ZMYND8: variants seen among roughly 807,000 people sequenced by gnomAD.
ZMYND8 encodes the protein zinc finger MYND-type containing 8, also known as MYND-type zinc finger-containing chromatin reader ZMYND8.
A neutral mutation model predicts 140.8 loss-of-function variants in ZMYND8; 37 were observed. That is an observed-to-expected ratio of 0.26 (90% confidence interval 0.20 to 0.35). The LOEUF (loss-of-function observed/expected upper bound fraction) is 0.35, where lower values mean the gene tolerates loss of function less well. Among genes scored for constraint, ZMYND8 ranks in the 10% least tolerant of loss-of-function variants. The pLI, the probability that ZMYND8 is intolerant of heterozygous loss-of-function variation, is 1.00. For synonymous variants in ZMYND8, 592 were observed against 597.1 expected (o/e 0.99, Z 0.12); for missense variants, 1,068 against 1,570.0 (o/e 0.68, Z 5.40).
chr20:47,348,720 TTC>T (rs150318845), intron 1 of ZMYND8: 13 of 150,734 alleles, frequency 8.6e-5, no homozygotes, highest in East Asian at 1.9e-4. Context: ...ACCCAGAACA[TTC>T]TCTCTCTCTC....
chr20:47,214,711 T>G (rs913257312), intron 21 of ZMYND8, among the ~76,000 whole-genome samples: 2 of 152,268 alleles, frequency 1.3e-5, no homozygotes, highest in South Asian at 2.1e-4. Context: ...GTCAGGCTGG[T>G]CTTGAACTCC....
chr20:47,220,413 A>C, intron 20 of ZMYND8, 89 bp from the exon 21 acceptor site: 1 of 1,052,346 alleles, frequency 9.5e-7, no homozygotes, highest in South Asian at 1.4e-5. Context: ...GGGGGTGCTC[A>C]TCGCTGCCCC....
chr20:47,325,198 C>A (rs1488743420), intron 2 of ZMYND8, among the ~76,000 whole-genome samples: 21 of 152,324 alleles, frequency 1.4e-4, no homozygotes, highest in African/African-American at 3.8e-4. Context: ...AGCCACCACA[C>A]CTGGCCCATA....
At chr20:47,318,522 G>A in intron 2 of ZMYND8, 1 of 357,190 alleles carries the variant, frequency 2.8e-6, no homozygotes, top group Non-Finnish European at 5.5e-6. Context: ...AAGAAATCAG[G>A]AGCAAAGGTT....
chr20:47,309,959 TC>T, intron 3 of ZMYND8, 96 bp downstream of exon 3: 2 of 1,538,504 alleles, frequency 1.3e-6, no homozygotes, highest in South Asian at 2.4e-5. Flanking sequence ...GCTAACTAAA[TC>T]CAAGAAAGCC....
intron 2 of ZMYND8, among the ~76,000 whole-genome samples, chr20:47,322,438 C>CTTTT (rs1166725847): frequency 4.1e-5 from 5 of 120,766 alleles, no homozygotes; most frequent in African/African-American, 3.1e-5. Context: ...GATGGCATTT[C>CTTTT]TTTTTTTTTT....
intron 17 of ZMYND8, among the ~76,000 whole-genome samples, chr20:47,228,400 G>A (rs1486776508): frequency 1.3e-5 from 2 of 152,118 alleles, no homozygotes; most frequent in Admixed American, 1.3e-4. Context: ...CTAATTGTGG[G>A]GGACTGCATA....
At chr20:47,303,088 C>G (rs2078194182) in intron 3 of ZMYND8, among the ~76,000 whole-genome samples, 1 of 152,112 alleles carries the variant, frequency 6.6e-6, no homozygotes, top group South Asian at 2.1e-4. Flanking sequence ...AAAACTGTCC[C>G]TAGCTGAGAA....
chr20:47,335,471 C>A (rs1359186279), intron 2 of ZMYND8, among the ~76,000 whole-genome samples: 1 of 151,910 alleles, frequency 6.6e-6, no homozygotes, highest in Admixed American at 6.6e-5. Context: ...CACCTCAAGT[C>A]ATCGGTAAAG....
intron 2 of ZMYND8, chr20:47,319,316 T>G: frequency 6.7e-6 from 2 of 299,704 alleles, no homozygotes; most frequent in Middle Eastern, 1.5e-3. Context: ...TTCGTGGGAT[T>G]GTGAATAAAT....
chr20:47,286,176 G>A (rs115742783), intron 8 of ZMYND8, among the ~76,000 whole-genome samples: 17,824 of 147,934 alleles, frequency 0.12, 1,187 homozygotes, highest in South Asian at 0.28. Context: ...TATAAGGATA[G>A]ATTTTTTTTT....
intron 2 of ZMYND8, among the ~76,000 whole-genome samples, chr20:47,334,592 T>C (rs976216914): frequency 2.9e-5 from 4 of 140,128 alleles, no homozygotes; most frequent in African/African-American, 9.1e-5. Flanking sequence ...TGCACAACTC[T>C]GTGAAAAAAA....
chr20:47,215,662 A>G (rs1221639908), intron 21 of ZMYND8, among the ~76,000 whole-genome samples: 1 of 152,128 alleles, frequency 6.6e-6, no homozygotes, highest in Non-Finnish European at 1.5e-5. Flanking sequence ...GGTGGGCCCT[A>G]GCTCTAGAAT....
At chr20:47,352,318 A>C (rs2082854568) in intron 1 of ZMYND8, among the ~76,000 whole-genome samples, 2 of 152,218 alleles carry the variant, frequency 1.3e-5, no homozygotes, top group African/African-American at 4.8e-5. Flanking sequence ...TCTACGGCAA[A>C]GGTAAAATAA....
At chr20:47,322,249 G>A (rs2080021998) in intron 2 of ZMYND8, among the ~76,000 whole-genome samples, 1 of 152,072 alleles carries the variant, frequency 6.6e-6, no homozygotes, top group South Asian at 2.1e-4. Context: ...TTGAGAAACT[G>A]ATTACAGATG....
chr20:47,229,955 A>C (rs973939668), intron 16 of ZMYND8, 149 bp from the exon 17 acceptor site: 1 of 647,616 alleles, frequency 1.5e-6, no homozygotes, highest in Non-Finnish European at 2.6e-6. Flanking sequence ...TCTGGTTGCC[A>C]TGACAGGTGC....
Position 47,338,429 on chromosome 20 carries a change from A to G in ZMYND8, c.85+9427T>C, listed in dbSNP as rs201652613. 6.1e-4 allele frequency among the ~76,000 whole-genome samples: 82 copies of G among 135,174 alleles called. 1 individual carries two copies. The East Asian group carries it at 0.012, about 21-fold the overall frequency. The allele number at this position is 135,174 out of a possible 152,430, so 88.7% of individuals were successfully genotyped here. On this transcript the variant is annotated intron_variant, in intron 2 of 22. Transcript: ENST00000471951. The stretch of plus-strand genomic sequence containing the variant: ...CTTCCCAAGAAAAGCAGGCTGGAGG[A>G]AAAAAAAAAACATGTTCACTGAGCC...
At chr20:47,226,648 C>T (rs557867367) in intron 18 of ZMYND8, among the ~76,000 whole-genome samples, 29 of 151,808 alleles carry the variant, frequency 1.9e-4, no homozygotes, top group African/African-American at 6.8e-4. Context: ...TCCACGCATG[C>T]GGAGTGTGAA....
intron 7 of ZMYND8, among the ~76,000 whole-genome samples, chr20:47,287,577 G>T (rs2077001594): frequency 6.6e-6 from 1 of 152,112 alleles, no homozygotes; most frequent in South Asian, 2.1e-4. Flanking sequence ...CATTCTAAAG[G>T]CTCAAATTAA....
Sources: allele counts gnomAD v4.1 joint callset (sites outside exome capture counted in the v4.1 genomes callset), GRCh38; gene constraint gnomAD v4.1.1; transcripts MANE v1.5; gene names NCBI Gene and HGNC (gene_info 2026-07-23, HGNC 2026-07-21).